The following CACHD1 variants were observed in gnomAD, a reference collection of about 807,000 sequenced individuals.
CACHD1 encodes cache domain containing 1, also known as VWFA and cache domain-containing protein 1.
A neutral mutation model predicts 138.7 loss-of-function variants in CACHD1; 71 were observed. The observed-to-expected ratio is 0.51, with a 90% CI of 0.42 to 0.62. CACHD1 has a LOEUF of 0.62. CACHD1 is among the 20% of genes least tolerant of loss of function. CACHD1 has a pLI of 0.00. For synonymous variants in CACHD1, 578 were observed against 591.5 expected (o/e 0.98, Z 0.33); for missense variants, 1,389 against 1,625.3 (o/e 0.85, Z 2.50).
chr1:64,667,016 T>G (rs1343982187), intron 16 of CACHD1, among the ~76,000 whole-genome samples: 2 of 152,158 alleles, frequency 1.3e-5, no homozygotes, highest in African/African-American at 4.8e-5. Flanking sequence ...ATTAAAAGGC[T>G]TTTTGAAAAT....
chr1:64,498,194 A>C (rs1646316150), intron 1 of CACHD1, among the ~76,000 whole-genome samples: 1 of 152,180 alleles, frequency 6.6e-6, no homozygotes, highest in African/African-American at 2.4e-5. Flanking sequence ...GAGGTTCACC[A>C]AAGCTCGGAG....
intron 25 of CACHD1, among the ~76,000 whole-genome samples, chr1:64,681,547 T>TTTTTTTTGTTG: frequency 8.7e-6 from 1 of 114,504 alleles, no homozygotes; most frequent in Admixed American, 1.1e-4. Context: ...TTGTGTTTTT[T>TTTTTTTTGTTG]TTTTTTTTTT....
At chr1:64,651,900 T>G (rs768176367) in intron 9 of CACHD1, among the ~76,000 whole-genome samples, 12 of 152,220 alleles carry the variant, frequency 7.9e-5, no homozygotes, top group Non-Finnish European at 1.5e-4. Context: ...GAAAAAGTAG[T>G]GGAAAACATA....
chr1:64,659,283 A>G (rs1649366564), intron 13 of CACHD1, among the ~76,000 whole-genome samples: 1 of 152,164 alleles, frequency 6.6e-6, no homozygotes, highest in African/African-American at 2.4e-5. Context: ...GTCACTTTCA[A>G]CTTTCTTCTA....
At chr1:64,681,215 T>C (rs530484767) in intron 24 of CACHD1, 43 bp from the exon 25 acceptor site, 2 of 1,498,194 alleles carry the variant, frequency 1.3e-6, no homozygotes, top group Admixed American at 1.7e-5. Context: ...GGTGATTTTG[T>C]TTGATTAAAT....
chr1:64,652,401 A>G (rs1570453753), intron 10 of CACHD1, 91 bp downstream of exon 10: 3 of 1,209,708 alleles, frequency 2.5e-6, no homozygotes, highest in South Asian at 1.6e-5. Flanking sequence ...TAGGAAAATG[A>G]TAGTGTAAAG....
Position 64,580,347 on chromosome 1 carries a change from C to CA in CACHD1, c.262-1806dup, listed in dbSNP as rs1258269258. On this transcript the variant is annotated intron_variant, in intron 2 of 26. Transcript: ENST00000651257. The stretch of plus-strand genomic sequence containing the variant: ...ATAATTTACTGATTTTTCTCTCAAT[C>CA]AAAGTTTTTCTGGGTGACAAAATCA... 1.3e-5 allele frequency among the ~76,000 whole-genome samples: 2 copies of CA among 152,080 alleles called. 1 individual carries two copies. Among genetic ancestry groups the CA allele is most frequent in the Non-Finnish European group, 2.9e-5 (2 of 68,022 alleles).
At chr1:64,641,777 C>T (rs781721569) in intron 7 of CACHD1, 43 bp from the exon 8 acceptor site, 7 of 1,443,410 alleles carry the variant, frequency 4.8e-6, no homozygotes, top group Non-Finnish European at 6.4e-6. Context: ...CTGCCTTTAG[C>T]TGGAATCCAA....
chr1:64,681,498 C>T (rs146215317), intron 25 of CACHD1, among the ~76,000 whole-genome samples, 163 bp downstream of exon 25: 2,362 of 124,182 alleles, frequency 0.019, 36 homozygotes, highest in Non-Finnish European at 0.028. Flanking sequence ...GTTAGGAGTA[C>T]GTGTAGGTCT....
chr1:64,577,252 T>C (rs1646975741), intron 2 of CACHD1, among the ~76,000 whole-genome samples: 1 of 152,200 alleles, frequency 6.6e-6, no homozygotes, highest in Admixed American at 6.5e-5. Flanking sequence ...GGCCCCTTTT[T>C]TATATTTGTG....
intron 26 of CACHD1, among the ~76,000 whole-genome samples, chr1:64,682,784 C>T (rs1417768770): frequency 6.6e-6 from 1 of 152,144 alleles, no homozygotes; most frequent in African/African-American, 2.4e-5. Flanking sequence ...TCTCAGAGTC[C>T]ATATCGCTCA....
chr1:64,487,628 T>G (rs970230586), intron 1 of CACHD1, among the ~76,000 whole-genome samples: 1 of 151,380 alleles, frequency 6.6e-6, no homozygotes. Context: ...CTGGACCTCC[T>G]TTTTTAAAAA....
intron 1 of CACHD1, among the ~76,000 whole-genome samples, chr1:64,485,242 A>T (rs1424558828): frequency 6.6e-6 from 1 of 152,198 alleles, no homozygotes; most frequent in Non-Finnish European, 1.5e-5. Flanking sequence ...CATGTAACCA[A>T]CACCACAGTC....
At chr1:64,511,197 C>T (rs937105223) in intron 1 of CACHD1, among the ~76,000 whole-genome samples, 9 of 152,194 alleles carry the variant, frequency 5.9e-5, no homozygotes, top group Non-Finnish European at 1.3e-4. Flanking sequence ...GTAGAGCAGG[C>T]ACTGTACTTT....
chr1:64,471,054 A>G (rs2100247241), intron 1 of CACHD1, 112 bp downstream of exon 1: 3 of 1,086,688 alleles, frequency 2.8e-6, no homozygotes, highest in Non-Finnish European at 3.8e-6. Flanking sequence ...TTGCATACAT[A>G]GAGCCCGGCT....
At chr1:64,578,621 G>A (rs1455207155) in intron 2 of CACHD1, among the ~76,000 whole-genome samples, 1 of 152,170 alleles carries the variant, frequency 6.6e-6, no homozygotes, top group Non-Finnish European at 1.5e-5. Context: ...TCATCAAGGG[G>A]CTACTCTGGG....
At chr1:64,604,864 G>A (rs905418737) in intron 4 of CACHD1, among the ~76,000 whole-genome samples, 2 of 152,002 alleles carry the variant, frequency 1.3e-5, no homozygotes, top group Admixed American at 1.3e-4. Flanking sequence ...TGTTGGACAG[G>A]CTGGTCTCGA....
chr1:64,595,100 C>G (rs143194102), intron 3 of CACHD1, among the ~76,000 whole-genome samples: 1 of 152,194 alleles, frequency 6.6e-6, no homozygotes, highest in African/African-American at 2.4e-5. Context: ...TGCATGTGTG[C>G]TGGTAGATGG....
At chr1:64,526,580 G>T (rs565534412) in intron 1 of CACHD1, among the ~76,000 whole-genome samples, 10 of 152,208 alleles carry the variant, frequency 6.6e-5, no homozygotes, top group Admixed American at 2.6e-4. Flanking sequence ...CTTGAGGAGG[G>T]GGGTGAGGAG....
Sources: allele counts gnomAD v4.1 joint callset (sites outside exome capture counted in the v4.1 genomes callset), GRCh38; gene constraint gnomAD v4.1.1; transcripts MANE v1.5; gene names NCBI Gene and HGNC (gene_info 2026-07-23, HGNC 2026-07-21).